The following MRPL1 variants were observed in gnomAD, a reference collection of about 807,000 sequenced individuals.
The protein encoded by MRPL1 is mitochondrial ribosomal protein L1, also known as large ribosomal subunit protein uL1m.
MRPL1 carries 28 observed loss-of-function variants against 38.0 expected under a neutral mutation model. That is an observed-to-expected ratio of 0.74 (90% CI 0.55 to 1.01). The LOEUF (loss-of-function observed/expected upper bound fraction) is 1.01, where lower values mean the gene tolerates loss of function less well. Ranked by LOEUF, MRPL1 falls within the 50% of genes least tolerant of loss-of-function variation. The pLI is 0.00. For synonymous variants in MRPL1, 123 were observed against 126.7 expected, an observed-to-expected ratio of 0.97 and a Z score of 0.20; for missense variants, 358 against 389.8, an observed-to-expected ratio of 0.92 and a Z score of 0.69.
intron 7 of MRPL1, among the ~76,000 whole-genome samples, chr4:77,930,063 A>G (rs1290967765): frequency 1.3e-5 from 2 of 152,202 alleles, no homozygotes; most frequent in Non-Finnish European, 2.9e-5. Flanking sequence ...TCGAAGTACC[A>G]TCAAACTAGT....
At chr4:77,911,998 G>A (rs1736300335) in intron 7 of MRPL1, among the ~76,000 whole-genome samples, 1 of 152,158 alleles carries the variant, frequency 6.6e-6, no homozygotes, top group Non-Finnish European at 1.5e-5. Flanking sequence ...AGCCATATGA[G>A]CATTGCAGTG....
intron 2 of MRPL1, among the ~76,000 whole-genome samples, chr4:77,879,679 A>G (rs1190701601): frequency 2.6e-5 from 4 of 152,244 alleles, no homozygotes; most frequent in African/African-American, 4.8e-5. Flanking sequence ...AGGCTCTCCA[A>G]AATCCTTCTG....
intron 2 of MRPL1, among the ~76,000 whole-genome samples, chr4:77,882,828 C>A (rs2110234790): frequency 6.6e-6 from 1 of 152,262 alleles, no homozygotes; most frequent in Non-Finnish European, 1.5e-5. Flanking sequence ...GTTTTCACTT[C>A]TTTGGGGTGC....
intron 6 of MRPL1, among the ~76,000 whole-genome samples, chr4:77,900,805 A>G (rs557011432): frequency 2.0e-5 from 3 of 152,318 alleles, no homozygotes; most frequent in Non-Finnish European, 4.4e-5. Context: ...TGAGAACTGT[A>G]TAAGTGGTAG....
intron 7 of MRPL1, among the ~76,000 whole-genome samples, chr4:77,944,182 C>T (rs1578065333): frequency 6.6e-6 from 1 of 152,184 alleles, no homozygotes; most frequent in Admixed American, 6.5e-5. Flanking sequence ...CCAGCAGTTA[C>T]CAGGCTCCAG....
intron 7 of MRPL1, among the ~76,000 whole-genome samples, chr4:77,929,680 GT>G (rs746481215): frequency 2.7e-4 from 41 of 151,670 alleles, no homozygotes; most frequent in Non-Finnish European, 5.6e-4. Context: ...GATAAATAAT[GT>G]TTTCTAAAAC....
At chr4:77,926,515 C>T (rs1300374779) in intron 7 of MRPL1, among the ~76,000 whole-genome samples, 1 of 152,132 alleles carries the variant, frequency 6.6e-6, no homozygotes, top group Non-Finnish European at 1.5e-5. Context: ...CTCTCTCTTT[C>T]CATTTCTGGA....
intron 7 of MRPL1, among the ~76,000 whole-genome samples, chr4:77,928,125 T>C (rs1477042654): frequency 6.6e-6 from 1 of 152,222 alleles, no homozygotes; most frequent in Non-Finnish European, 1.5e-5. Flanking sequence ...AAGCGTATTG[T>C]CAACCTGGCA....
At chr4:77,939,635 T>G (rs1042238496) in intron 7 of MRPL1, among the ~76,000 whole-genome samples, 1 of 152,186 alleles carries the variant, frequency 6.6e-6, no homozygotes, top group African/African-American at 2.4e-5. Context: ...TCTAAAAGGG[T>G]TTTTCCGATG....
intron 7 of MRPL1, among the ~76,000 whole-genome samples, chr4:77,913,500 G>T (rs540117562): frequency 8.3e-4 from 126 of 152,308 alleles, no homozygotes; most frequent in African/African-American, 2.8e-3. Context: ...CATACCAACT[G>T]CTGTAAGGAT....
rs576310264 is a variant in MRPL1, at chr4:77,896,973, T to A, written c.670+2723T>A. Among the ~76,000 whole-genome samples, 182 of 152,290 alleles carry A rather than the reference T, an allele frequency of 1.2e-3. 1 individual carries two copies. Among genetic ancestry groups the A allele is most frequent in the African/African-American group, 4.4e-3 (181 of 41,566 alleles). ...ATAAGTACCCTCTGTAATTCTTTCATCTCTAATATAGATATGTTTTGTTAA... is the reference window on the plus strand; with the variant it reads ...ATAAGTACCCTCTGTAATTCTTTCAACTCTAATATAGATATGTTTTGTTAA... On this transcript the variant is annotated intron_variant, in intron 6 of 8. Transcript: ENST00000315567.
intron 7 of MRPL1, among the ~76,000 whole-genome samples, chr4:77,938,937 A>G (rs111284023): frequency 1.6e-4 from 25 of 152,200 alleles, no homozygotes; most frequent in African/African-American, 5.8e-4. Context: ...TATTTCAATC[A>G]GTTTTTGGGG....
intron 2 of MRPL1, among the ~76,000 whole-genome samples, chr4:77,882,357 A>C (rs1735561883): frequency 6.6e-6 from 1 of 152,198 alleles, no homozygotes; most frequent in Non-Finnish European, 1.5e-5. Flanking sequence ...CAATTCACCC[A>C]TTTAAAGTGT....
chr4:77,899,160 ATT>A (rs1214514714), intron 6 of MRPL1, among the ~76,000 whole-genome samples: 9,341 of 126,382 alleles, frequency 0.074, 445 homozygotes, highest in African/African-American at 0.16. Context: ...CGCCTGGCTC[ATT>A]TTTTTTTTTT....
At chr4:77,945,128 A>AATTATTATTATTATTATT (rs3056930) in intron 7 of MRPL1, among the ~76,000 whole-genome samples, 1 of 141,100 alleles carries the variant, frequency 7.1e-6, no homozygotes, top group Non-Finnish European at 1.5e-5. Flanking sequence ...CTGCACCATC[A>AATTATTATTATTATTATT]ATTATTATTA....
chr4:77,915,572 G>A (rs1049176677), intron 7 of MRPL1, among the ~76,000 whole-genome samples: 1 of 152,030 alleles, frequency 6.6e-6, no homozygotes, highest in African/African-American at 2.4e-5. Context: ...GCGCCACCAT[G>A]CCCAGCTAAT....
At chr4:77,895,943 A>C (rs566703820) in intron 6 of MRPL1, among the ~76,000 whole-genome samples, 11 of 152,278 alleles carry the variant, frequency 7.2e-5, no homozygotes, top group Middle Eastern at 3.4e-3. Context: ...AATATTTCTC[A>C]TAACTTTTTT....
At chr4:77,877,507 A>ATGGGG (rs1266296298) in intron 2 of MRPL1, among the ~76,000 whole-genome samples, 1 of 72,444 alleles carries the variant, frequency 1.4e-5, no homozygotes, top group South Asian at 5.1e-4. Context: ...AGTGGCAGTG[A>ATGGGG]TGGGGTGGGG....
chr4:77,885,374 ATT>A, intron 4 of MRPL1, 35 bp downstream of exon 4: 9 of 1,284,808 alleles, frequency 7.0e-6, no homozygotes, highest in East Asian at 2.8e-5. Context: ...ATATCATTTA[ATT>A]TTTTTTTTTG....
Sources: gnomAD v4.1 joint callset for allele counts (sites outside exome capture counted in the v4.1 genomes callset) on GRCh38, gnomAD v4.1.1 for gene constraint, MANE v1.5 for transcripts, NCBI Gene and HGNC (gene_info 2026-07-23, HGNC 2026-07-21) for gene names.